The following ERBB4 variants were observed in gnomAD, a reference collection of about 807,000 sequenced individuals.
ERBB4 encodes receptor tyrosine-protein kinase erbB-4.
In ERBB4, 42 loss-of-function variants were observed where a neutral mutation model predicts 158.0. The observed-to-expected ratio is 0.27, with a 90% CI of 0.21 to 0.34. The LOEUF (loss-of-function observed/expected upper bound fraction) is 0.34, where lower values mean the gene tolerates loss of function less well. Ranked by LOEUF, ERBB4 falls within the 10% of genes least tolerant of loss-of-function variation. The probability of loss-of-function intolerance (pLI) is 1.00; values close to 1 mark genes in which losing one functional copy is unlikely to be tolerated. For synonymous variants in ERBB4, 583 were observed against 558.7 expected (o/e 1.04, Z -0.61); for missense variants, 1,333 against 1,624.1 (o/e 0.82, Z 3.08).
In ERBB4 at chr2:212,052,060, G is replaced by A. The variant is rs890212313; in HGVS notation, c.234+72692C>T. Among the ~76,000 whole-genome samples, 7 of 152,308 alleles carry A rather than the reference G, an allele frequency of 4.6e-5. No homozygotes were observed. In the South Asian group the frequency reaches 1.5e-3, roughly 32 times the overall value. ...GTTGCCAAAGGAGATTAACATTTGA[G>A]TCAGTGGAATGGGAGAAGCAGACCC... On this transcript the variant is annotated intron_variant, in intron 2 of 27. Coordinates refer to ENST00000342788, the MANE Select transcript of ERBB4 (RefSeq NM_005235.3).
At chr2:211,422,795 G>GT (rs771990400) in intron 23 of ERBB4, among the ~76,000 whole-genome samples, 14 of 151,818 alleles carry the variant, frequency 9.2e-5, no homozygotes, top group Non-Finnish European at 1.9e-4. Context: ...TGTTTTCTTG[G>GT]TTTTACATAA....
chr2:211,548,324 T>TG (rs2066994807), intron 20 of ERBB4, among the ~76,000 whole-genome samples: 1 of 149,978 alleles, frequency 6.7e-6, no homozygotes, highest in Non-Finnish European at 1.5e-5. Flanking sequence ...GGAAAACTAT[T>TG]GGTGGAAAGG....
chr2:212,477,295 C>A (rs1007861652), intron 1 of ERBB4, among the ~76,000 whole-genome samples: 5 of 152,108 alleles, frequency 3.3e-5, no homozygotes, highest in Non-Finnish European at 5.9e-5. Flanking sequence ...TACTTTCTGG[C>A]ACGTTTTTCT....
In ERBB4 at chr2:211,380,498, CT is replaced by C. The variant is rs2125300512; in HGVS notation, c.*3116del. 4.3e-6 allele frequency: 1 copy of C among 232,306 alleles called. No individual in the cohort carries two copies. The highest frequency in any genetic ancestry group is 5.6e-5 in the Admixed American group (1 of 17,742). The allele number at this position is 232,306 out of a possible 1,614,324, so 14.4% of individuals were successfully genotyped here. On this transcript the variant is annotated 3_prime_UTR_variant, in exon 28 of 28. Coordinates refer to ENST00000342788, the MANE Select transcript of ERBB4 (RefSeq NM_005235.3). Reference sequence around the variant, plus strand: ...AATTGCTACAATTGGCCTCTGGAATCTGATATCCCCCCAAGCACTTTGAAGA... The same window carrying C: ...AATTGCTACAATTGGCCTCTGGAATCGATATCCCCCCAAGCACTTTGAAGA...
At chr2:212,174,663 T>C (rs772639554) in intron 1 of ERBB4, among the ~76,000 whole-genome samples, 24 of 152,046 alleles carry the variant, frequency 1.6e-4, no homozygotes, top group Non-Finnish European at 2.9e-4. Flanking sequence ...CAGGGACTTA[T>C]TGTTTGGTGA....
intron 2 of ERBB4, among the ~76,000 whole-genome samples, chr2:212,007,022 A>G (rs745876104): frequency 2.4e-4 from 36 of 152,102 alleles, no homozygotes; most frequent in Non-Finnish European, 4.9e-4. Context: ...TTGCTAAAAT[A>G]TGGTTATACT....
chr2:211,983,447 A>G (rs1335899420), intron 2 of ERBB4, among the ~76,000 whole-genome samples: 1 of 152,170 alleles, frequency 6.6e-6, no homozygotes, highest in Non-Finnish European at 1.5e-5. Flanking sequence ...AGATCATTGT[A>G]TAGCTATAGA....
intron 1 of ERBB4, among the ~76,000 whole-genome samples, chr2:212,178,318 G>A (rs1415739788): frequency 6.6e-6 from 1 of 151,398 alleles, no homozygotes; most frequent in African/African-American, 2.4e-5. Context: ...GCAATTAAGA[G>A]GACACTAAAG....
At chr2:211,766,028 C>T (rs1419372704) in intron 4 of ERBB4, among the ~76,000 whole-genome samples, 1 of 152,058 alleles carries the variant, frequency 6.6e-6, no homozygotes, top group Non-Finnish European at 1.5e-5. Context: ...ATGACTTTTC[C>T]TTTGTGCATT....
chr2:212,243,037 C>T (rs2084172852), intron 1 of ERBB4, among the ~76,000 whole-genome samples: 1 of 152,176 alleles, frequency 6.6e-6, no homozygotes, highest in African/African-American at 2.4e-5. Flanking sequence ...AGATGGTGTA[C>T]TGAGTTCTCT....
intron 1 of ERBB4, among the ~76,000 whole-genome samples, chr2:212,416,586 A>G (rs10167244): frequency 0.49 from 73,676 of 151,858 alleles, 18,726 homozygotes; most frequent in African/African-American, 0.57. Flanking sequence ...TATAAAATAC[A>G]AATAAAGCCC....
At chr2:211,524,331 C>T (rs887581703) in intron 20 of ERBB4, among the ~76,000 whole-genome samples, 15 of 152,220 alleles carry the variant, frequency 9.9e-5, no homozygotes, top group South Asian at 4.1e-4. Flanking sequence ...GGATCCCTCA[C>T]GGGGGCTGCA....
chr2:212,326,665 T>G (rs1505366), intron 1 of ERBB4, among the ~76,000 whole-genome samples: 134,124 of 150,240 alleles, frequency 0.89, 60,599 homozygotes, highest in Middle Eastern at 0.97. Context: ...ATAACCCTTT[T>G]TACCAACCAG....
At chr2:212,114,251 A>G (rs1224068449) in intron 2 of ERBB4, among the ~76,000 whole-genome samples, 1 of 152,254 alleles carries the variant, frequency 6.6e-6, no homozygotes, top group African/African-American at 2.4e-5. Flanking sequence ...ATATCTCTGA[A>G]GAAATTATTT....
intron 16 of ERBB4, among the ~76,000 whole-genome samples, chr2:211,657,202 T>A (rs1484684502): frequency 6.6e-6 from 1 of 150,698 alleles, no homozygotes; most frequent in East Asian, 1.9e-4. Flanking sequence ...AAAATCCTGT[T>A]TAGACTACAC....
chr2:211,437,706 GGCATTAATCTCCA>G (rs2063884903), intron 20 of ERBB4, among the ~76,000 whole-genome samples: 1 of 152,074 alleles, frequency 6.6e-6, no homozygotes, highest in South Asian at 2.1e-4. Flanking sequence ...AGCTCTCACA[GGCATTAATCTCCA>G]GCATTAATCT....
At chr2:211,583,004 C>A (rs560150175) in intron 19 of ERBB4, among the ~76,000 whole-genome samples, 2 of 152,058 alleles carry the variant, frequency 1.3e-5, no homozygotes, top group East Asian at 3.9e-4. Flanking sequence ...GGCATTTTTG[C>A]ATGTTTAATA....
chr2:212,151,169 A>T (rs1383301817), intron 1 of ERBB4, among the ~76,000 whole-genome samples: 2 of 151,898 alleles, frequency 1.3e-5, no homozygotes, highest in African/African-American at 4.8e-5. Flanking sequence ...AAAAATATAC[A>T]TAGGTTAAGA....
At chr2:211,396,140 G>C (rs184279164) in intron 25 of ERBB4, among the ~76,000 whole-genome samples, 1 of 152,046 alleles carries the variant, frequency 6.6e-6, no homozygotes, top group Admixed American at 6.5e-5. Context: ...CTCAATTTTA[G>C]GCTCTGTGTA....
Sources: allele counts gnomAD v4.1 joint callset (sites outside exome capture counted in the v4.1 genomes callset), GRCh38; gene constraint gnomAD v4.1.1; transcripts MANE v1.5; gene names NCBI Gene and HGNC (gene_info 2026-07-23, HGNC 2026-07-21).